RPH3A: variants seen among roughly 807,000 people sequenced by gnomAD.
The protein encoded by RPH3A is rabphilin 3A, also known as rabphilin-3A.
Under a neutral mutation model 102.2 loss-of-function variants are expected in RPH3A, and 48 were observed. That is an observed-to-expected ratio of 0.47 (90% CI 0.37 to 0.60). The LOEUF (loss-of-function observed/expected upper bound fraction) is 0.60. Ranked by LOEUF, RPH3A falls within the 20% of genes least tolerant of loss-of-function variation. RPH3A has a pLI of 0.00. For synonymous variants in RPH3A, 310 were observed against 324.3 expected, an observed-to-expected ratio of 0.96 and a Z score of 0.47; for missense variants, 781 against 910.1, an observed-to-expected ratio of 0.86 and a Z score of 1.83.
At chr12:112,823,522 G>A (rs1266408262) in intron 2 of RPH3A, among the ~76,000 whole-genome samples, 1 of 152,204 alleles carries the variant, frequency 6.6e-6, no homozygotes, top group African/African-American at 2.4e-5. Context: ...CAGGAAAAGA[G>A]AATTACCACT....
chr12:112,858,210 C>T (rs764977060), intron 5 of RPH3A, among the ~76,000 whole-genome samples: 21 of 128,138 alleles, frequency 1.6e-4, no homozygotes, highest in Non-Finnish European at 3.3e-4. Flanking sequence ...GAGGCTGCAG[C>T]GAGCTATGAT....
At chr12:112,836,411 C>G in intron 3 of RPH3A, 80 bp from the exon 4 acceptor site, 2 of 781,592 alleles carry the variant, frequency 2.6e-6, no homozygotes, top group Non-Finnish European at 4.0e-6. Context: ...GTGTTGCATC[C>G]AGACAGTGTA....
At chr12:112,856,262 C>T (rs758374453) in intron 5 of RPH3A, among the ~76,000 whole-genome samples, 6 of 152,150 alleles carry the variant, frequency 3.9e-5, no homozygotes, top group South Asian at 2.1e-4. Flanking sequence ...TGCAGCAGTA[C>T]GGGAAAGGTC....
chr12:112,886,682 T>G (rs981203597), intron 16 of RPH3A, among the ~76,000 whole-genome samples: 5 of 152,190 alleles, frequency 3.3e-5, no homozygotes, highest in Admixed American at 3.3e-4. Flanking sequence ...CAATGCTGTG[T>G]AAGGTAGATA....
At chr12:112,677,916 C>T (rs1276824778) in intron 1 of RPH3A, among the ~76,000 whole-genome samples, 2 of 151,972 alleles carry the variant, frequency 1.3e-5, no homozygotes, top group Admixed American at 6.5e-5. Flanking sequence ...GCAGGCCAGG[C>T]GTGGTGGTGC....
At position 112,838,683 on chromosome 12, in the gene RPH3A, G is replaced by A. The variant is rs1201476651; in HGVS notation, c.83+2181G>A. ...GCATTTCCATCATCCCACTCCTTTA[G>A]GGAGTTATAATTTATTAATAGAGAC... On this transcript the variant is annotated intron_variant, in intron 4 of 21. Coordinates refer to ENST00000389385, the MANE Select transcript of RPH3A (RefSeq NM_001143854.2). Among the ~76,000 whole-genome samples, 5 of 152,308 alleles carry A rather than the reference G, an allele frequency of 3.3e-5. No homozygotes were observed. In the East Asian group the frequency reaches 9.6e-4, roughly 29 times the overall value.
chr12:112,789,395 T>A (rs922481701), upstream of RPH3A, among the ~76,000 whole-genome samples: 2 of 152,006 alleles, frequency 1.3e-5, no homozygotes, highest in South Asian at 2.1e-4. Context: ...TCGATGAAAA[T>A]TTTCCCCTCA....
chr12:112,862,759 G>A (rs753710309), intron 5 of RPH3A, among the ~76,000 whole-genome samples: 4 of 152,202 alleles, frequency 2.6e-5, no homozygotes, highest in African/African-American at 9.7e-5. Context: ...CACCTCTCTC[G>A]AATGGAACAC....
At chr12:112,803,799 G>A (rs2041401966) in intron 2 of RPH3A, among the ~76,000 whole-genome samples, 1 of 152,156 alleles carries the variant, frequency 6.6e-6, no homozygotes, top group African/African-American at 2.4e-5. Flanking sequence ...GTCCTTAGAA[G>A]CACGGCTGCT....
At position 112,698,509 on chromosome 12, in the gene RPH3A, A is replaced by T. The variant is rs530239056; in HGVS notation, c.-139-93634A>T. On this transcript the variant is annotated intron_variant, in intron 1 of 21. Transcript: ENST00000543106. ...TTGTAAAACACATAGCTGATAAGTGACATATATTCCCACTGAGATGGCTTT... is the reference window on the plus strand; with the variant it reads ...TTGTAAAACACATAGCTGATAAGTGTCATATATTCCCACTGAGATGGCTTT... Among the ~76,000 whole-genome samples, 357 of 152,314 alleles carry T rather than the reference A, an allele frequency of 2.3e-3. 1 individual carries two copies. Among genetic ancestry groups the T allele is most frequent in the African/African-American group, 8.1e-3 (338 of 41,554 alleles).
chr12:112,577,912 C>T (rs1483901239), intron 1 of RPH3A, among the ~76,000 whole-genome samples: 1 of 152,152 alleles, frequency 6.6e-6, no homozygotes, highest in Non-Finnish European at 1.5e-5. Flanking sequence ...GTCACACATA[C>T]TGCATTTCAC....
At chr12:112,852,752 C>T (rs1037955425) in intron 5 of RPH3A, among the ~76,000 whole-genome samples, 1 of 152,200 alleles carries the variant, frequency 6.6e-6, no homozygotes, top group Non-Finnish European at 1.5e-5. Flanking sequence ...AGGTTACTCA[C>T]AGGACTTTTA....
upstream of RPH3A, among the ~76,000 whole-genome samples, chr12:112,790,310 G>A (rs770404573): frequency 2.6e-5 from 4 of 151,978 alleles, no homozygotes; most frequent in Non-Finnish European, 5.9e-5. Context: ...CACCTGCCTC[G>A]GCCTCCCAAA....
At chr12:112,745,749 G>GC (rs2040740978) in intron 1 of RPH3A, among the ~76,000 whole-genome samples, 1 of 152,176 alleles carries the variant, frequency 6.6e-6, no homozygotes. Flanking sequence ...GGAGGGAGAG[G>GC]AGTGAGTGGG....
At position 112,624,621 on chromosome 12, in the gene RPH3A, A is replaced by G. The variant is rs939956869; in HGVS notation, c.-140+49302A>G. On this transcript the variant is annotated intron_variant, in intron 1 of 21. Coordinates refer to the RPH3A transcript ENST00000543106. ...GATGGATTCACAGCCGTATTCTACC[A>G]GAGGTACAAGGAGGAACTGGTACCA... is the stretch of plus-strand genomic sequence containing the variant. Among the ~76,000 whole-genome samples, 122 of 151,542 alleles carry G rather than the reference A, an allele frequency of 8.1e-4. 1 individual carries two copies. Among genetic ancestry groups the G allele is most frequent in the African/African-American group, 2.8e-3 (116 of 41,212 alleles).
intron 1 of RPH3A, among the ~76,000 whole-genome samples, chr12:112,615,724 T>C (rs2039674186): frequency 6.6e-6 from 1 of 152,156 alleles, no homozygotes; most frequent in Admixed American, 6.5e-5. Context: ...AGAACCATAG[T>C]TATCCACTGC....
At chr12:112,687,764 A>G (rs908707013) in intron 1 of RPH3A, among the ~76,000 whole-genome samples, 3 of 152,178 alleles carry the variant, frequency 2.0e-5, no homozygotes, top group Non-Finnish European at 4.4e-5. Context: ...TCTGAGTGAC[A>G]CTAGGTGACC....
chr12:112,621,446 C>T (rs1298161447), intron 1 of RPH3A, among the ~76,000 whole-genome samples: 12 of 147,834 alleles, frequency 8.1e-5, no homozygotes, highest in Admixed American at 3.4e-4. Flanking sequence ...AAAGGGGTGA[C>T]GGACGCACCT....
intron 11 of RPH3A, 70 bp downstream of exon 11, chr12:112,875,240 C>CAGCA: frequency 1.6e-6 from 2 of 1,221,538 alleles, no homozygotes; most frequent in Non-Finnish European, 2.3e-6. Context: ...CCTCCCATCC[C>CAGCA]TGCTTGCAGA....
Sources: allele counts gnomAD v4.1 joint callset (sites outside exome capture counted in the v4.1 genomes callset), GRCh38; gene constraint gnomAD v4.1.1; transcripts MANE v1.5; gene names NCBI Gene and HGNC (gene_info 2026-07-23, HGNC 2026-07-21).